Variants in GRIP1 observed in about 807,000 individuals in gnomAD.
The protein encoded by GRIP1 is glutamate receptor interacting protein 1, also known as glutamate receptor-interacting protein 1.
In GRIP1, 45 loss-of-function variants were observed where a neutral mutation model predicts 129.9. The observed-to-expected ratio is 0.35, with a 90% confidence interval of 0.27 to 0.44. The LOEUF is 0.44. Ranked by LOEUF, GRIP1 falls within the 20% of genes least tolerant of loss-of-function variation. The pLI, the probability that GRIP1 is intolerant of heterozygous loss-of-function variation, is 1.00. For missense variants in GRIP1, 1,196 were observed against 1,396.8 expected, an observed-to-expected ratio of 0.86 and a Z score of 2.29; for synonymous variants, 530 against 520.8, an observed-to-expected ratio of 1.02 and a Z score of -0.24.
chr12:66,949,760 C>CTTTTT (rs781123585), intron 1 of GRIP1, among the ~76,000 whole-genome samples: 107 of 85,448 alleles, frequency 1.3e-3, no homozygotes, highest in Non-Finnish European at 1.5e-3. Flanking sequence ...CATGCTCCTC[C>CTTTTT]TTTTTTTTTT....
Position 66,371,897 on chromosome 12 carries a change from A to G in GRIP1, c.2809T>C (p.Leu937=). 2 of 1,612,382 alleles carry G rather than the reference A, an allele frequency of 1.2e-6. No homozygotes were observed. The highest frequency in any genetic ancestry group is 1.7e-6 in the Non-Finnish European group (2 of 1,179,654). The part of the protein sequence containing the change: ...ATIMSGSTMS[L]NHEAPTPRSQ... ...CGAGGTGTTGGAGCCTCATGATTCAAACTCATCGTGCTCCCCGACATGATT... is the reference window on the plus strand; with the variant it reads ...CGAGGTGTTGGAGCCTCATGATTCAGACTCATCGTGCTCCCCGACATGATT... Residue 937 remains leucine, a synonymous_variant, in exon 23 of 25, where the codon TTG becomes CTG. Coordinates refer to ENST00000359742, the MANE Select transcript of GRIP1 (RefSeq NM_001366722.1).
intron 4 of GRIP1, among the ~76,000 whole-genome samples, chr12:66,534,932 G>A (rs757701981): frequency 3.3e-5 from 5 of 152,124 alleles, no homozygotes; most frequent in Non-Finnish European, 7.4e-5. Context: ...GAACTCAAGT[G>A]ATCCATCTGC....
intron 1 of GRIP1, among the ~76,000 whole-genome samples, chr12:66,599,942 A>T (rs530973956): frequency 6.6e-6 from 1 of 152,278 alleles, no homozygotes; most frequent in African/African-American, 2.4e-5. Flanking sequence ...AGACAATAAG[A>T]TTTCATAAGT....
intron 1 of GRIP1, among the ~76,000 whole-genome samples, chr12:66,896,489 A>AAAAAAAC (rs1555249925): frequency 1.3e-5 from 2 of 149,682 alleles, no homozygotes; most frequent in Non-Finnish European, 3.0e-5. Flanking sequence ...TGAAAAAAAA[A>AAAAAAAC]AAAAAAACTT....
chr12:66,857,372 T>C (rs1463880125), intron 1 of GRIP1, among the ~76,000 whole-genome samples: 2 of 151,968 alleles, frequency 1.3e-5, no homozygotes, highest in African/African-American at 4.8e-5. Context: ...AAGCTTGGAT[T>C]TTATTATTTT....
At chr12:66,757,271 C>T (rs562368346) in intron 1 of GRIP1, among the ~76,000 whole-genome samples, 37 of 152,198 alleles carry the variant, frequency 2.4e-4, no homozygotes, top group African/African-American at 8.7e-4. Flanking sequence ...CTCTGGTAAC[C>T]ACCTCACGTG....
rs769264200 is a variant in GRIP1, at chr12:66,844,689, G to A, written c.58+224361C>T. Among the ~76,000 whole-genome samples, 67 of 152,184 alleles carry A rather than the reference G, an allele frequency of 4.4e-4. 1 individual carries two copies. The highest frequency in any genetic ancestry group is 4.3e-3 in the Admixed American group (66 of 15,268). ...GTAGCATTATTCACAATGGCCAAAA[G>A]ATGGAAGCAACCCAAATGTCCATCA... On this transcript the variant is annotated intron_variant, in intron 1 of 1. Transcript: ENST00000643019.
chr12:66,347,573 G>GTATT lies in GRIP1; in HGVS notation c.*1442_*1445dup, dbSNP rs2054024665. ...AGACGATAAATACCATGCTATTAAA[G>GTATT]TATTAAATTTGTACAAAAATACTTT... On this transcript the variant is annotated 3_prime_UTR_variant, in exon 25 of 25. Coordinates refer to ENST00000359742, the MANE Select transcript of GRIP1 (RefSeq NM_001366722.1). The GTATT allele has an allele frequency of 6.6e-6, 1 of 152,156 alleles. No individual in the cohort carries two copies. Among genetic ancestry groups the GTATT allele is most frequent in the East Asian group, 1.9e-4 (1 of 5,184 alleles). The allele number at this position is 152,156 out of a possible 1,614,324, so 9.4% of individuals were successfully genotyped here. A position where few individuals can be genotyped will look rare whatever the true frequency, so the allele number is the denominator to read the frequency against.
chr12:66,703,110 GAGT>G (rs1294045284), intron 1 of GRIP1, among the ~76,000 whole-genome samples: 3 of 152,114 alleles, frequency 2.0e-5, no homozygotes, highest in Non-Finnish European at 4.4e-5. Flanking sequence ...GGGAGAAAAG[GAGT>G]AGAGCAGATG....
rs946226338 is a variant in GRIP1, at chr12:66,706,007, T to C, written c.-419-75671A>G. On this transcript the variant is annotated intron_variant, in intron 1 of 4. Coordinates refer to the GRIP1 transcript ENST00000538373. ...GACACAGGCATAGGCAAAGACTTCATGACAAAAACACCAAAAGCAACTGCA... is the reference window on the plus strand; with the variant it reads ...GACACAGGCATAGGCAAAGACTTCACGACAAAAACACCAAAAGCAACTGCA... 1.2e-4 allele frequency among the ~76,000 whole-genome samples: 18 copies of C among 152,212 alleles called. No homozygotes were observed. The South Asian group carries it at 3.3e-3, about 28-fold the overall frequency.
chr12:66,998,045 A>G (rs2042495899), intron 1 of GRIP1, among the ~76,000 whole-genome samples: 1 of 152,170 alleles, frequency 6.6e-6, no homozygotes. Context: ...TTCCCCTGTA[A>G]TAATAAATGC....
intron 1 of GRIP1, among the ~76,000 whole-genome samples, chr12:66,631,674 A>C (rs1227503561): frequency 6.6e-6 from 1 of 152,150 alleles, no homozygotes; most frequent in Non-Finnish European, 1.5e-5. Context: ...CTGTGTAACA[A>C]AGGGAAAAAG....
intron 1 of GRIP1, among the ~76,000 whole-genome samples, chr12:66,619,448 C>T (rs967427708): frequency 6.6e-6 from 1 of 152,054 alleles, no homozygotes; most frequent in Non-Finnish European, 1.5e-5. Flanking sequence ...AAATCAACCA[C>T]ACTTAGGGAC....
At chr12:67,042,532 G>T (rs1277803200) in intron 1 of GRIP1, among the ~76,000 whole-genome samples, 15 of 151,868 alleles carry the variant, frequency 9.9e-5, no homozygotes, top group Admixed American at 9.8e-4. Flanking sequence ...TTATTTCTCT[G>T]CCAGGCATTC....
chr12:66,765,194 T>G (rs2037596085), intron 1 of GRIP1, among the ~76,000 whole-genome samples: 1 of 152,182 alleles, frequency 6.6e-6, no homozygotes, highest in Non-Finnish European at 1.5e-5. Context: ...TTCATCTGCC[T>G]GGTGATGATA....
chr12:66,636,254 G>T (rs1313433831), intron 1 of GRIP1, among the ~76,000 whole-genome samples: 2 of 152,152 alleles, frequency 1.3e-5, no homozygotes, highest in East Asian at 3.9e-4. Flanking sequence ...GGGCTGACAG[G>T]AGAGGGAACG....
At chr12:66,653,794 T>G (rs1042023881) in intron 1 of GRIP1, among the ~76,000 whole-genome samples, 10 of 152,188 alleles carry the variant, frequency 6.6e-5, no homozygotes, top group Admixed American at 1.3e-4. Context: ...AGGGGGCATA[T>G]CTATACTCAA....
At chr12:66,597,868 T>C (rs2064115720) in intron 1 of GRIP1, among the ~76,000 whole-genome samples, 1 of 152,124 alleles carries the variant, frequency 6.6e-6, no homozygotes, top group East Asian at 1.9e-4. Flanking sequence ...CTAATTGGGA[T>C]GGTGGCATTT....
At position 66,627,012 on chromosome 12, in the gene GRIP1, G is replaced by A. The variant is rs77838296; in HGVS notation, c.56-30085C>T. Among the ~76,000 whole-genome samples the A allele has an allele frequency of 9.8e-3, 1,485 of 152,176 alleles. 44 individuals are homozygous for A. Among genetic ancestry groups the A allele is most frequent in the East Asian group, 0.074 (385 of 5,168 alleles). On this transcript the variant is annotated intron_variant, in intron 1 of 24. Coordinates refer to ENST00000359742, the MANE Select transcript of GRIP1 (RefSeq NM_001366722.1). The stretch of plus-strand genomic sequence containing the variant: ...TCTAACCACAGGTGCTTACAGATTA[G>A]GCTCTTGCTTAACCTGCCACTGGCT...
Sources: gnomAD v4.1 joint callset for allele counts (sites outside exome capture counted in the v4.1 genomes callset) on GRCh38, gnomAD v4.1.1 for gene constraint, MANE v1.5 for transcripts, NCBI Gene and HGNC (gene_info 2026-07-23, HGNC 2026-07-21) for gene names.